Variants in DNAH5 observed in about 807,000 individuals in gnomAD.
DNAH5 encodes axonemal beta dynein heavy chain 5.
DNAH5 carries 372 observed loss-of-function variants against 518.2 expected under a neutral mutation model. The ratio of observed to expected loss-of-function variants is 0.72; its 90% CI spans 0.66 to 0.78. The LOEUF (loss-of-function observed/expected upper bound fraction) is 0.78, where lower values mean the gene tolerates loss of function less well. DNAH5 is among the 30% of genes least tolerant of loss of function. DNAH5 has a pLI of 0.00. For missense variants in DNAH5, 5,523 were observed against 5,687.0 expected (o/e 0.97, Z 0.93); for synonymous variants, 2,039 against 2,025.9 (o/e 1.01, Z -0.17).
At chr5:13,803,935 T>C (rs979795067) in intron 47 of DNAH5, among the ~76,000 whole-genome samples, 5 of 152,232 alleles carry the variant, frequency 3.3e-5, no homozygotes, top group Non-Finnish European at 5.9e-5. Context: ...ATAAAACCTA[T>C]TGCTATGCAA....
chr5:13,848,670 G>T (rs910720600), intron 31 of DNAH5, among the ~76,000 whole-genome samples: 2 of 152,160 alleles, frequency 1.3e-5, no homozygotes, highest in Admixed American at 6.6e-5. Context: ...CAAGGAGTAC[G>T]CAACCTAGAT....
chr5:13,932,772 C>A (rs1189746237), intron 1 of DNAH5, among the ~76,000 whole-genome samples: 1 of 152,162 alleles, frequency 6.6e-6, no homozygotes, highest in Non-Finnish European at 1.5e-5. Flanking sequence ...CATTCCCAGA[C>A]ACTGGGTTCA....
rs1374559535 is a variant in DNAH5 at position 13,708,191 on chromosome 5, T to C, written c.13270A>G (p.Met4424Val). The change falls in exon 76 of 79, where the codon ATG (methionine) becomes GTG (valine). Residue 4424 changes from methionine (M) to valine (V), a missense_variant. Coordinates refer to ENST00000265104, the MANE Select transcript of DNAH5 (RefSeq NM_001369.3). ...LKLAIDGTII[M>V]SENLRDALDC... is the part of the protein sequence containing the mutation. ...AATGCATCTCGCAGATTTTCGCTCA[T>C]GATGATGGTGCCATCAATAGCAAGT... 8 of 1,614,178 alleles carry C rather than the reference T, an allele frequency of 5.0e-6. No individual in the cohort carries two copies. Among genetic ancestry groups the C allele is most frequent in the Non-Finnish European group, 8.5e-7 (1 of 1,180,008 alleles).
At chr5:13,896,675 A>G (rs771523796) in intron 15 of DNAH5, 8 of 152,212 alleles carry the variant, frequency 5.3e-5, no homozygotes, top group Non-Finnish European at 7.3e-5. Context: ...TAATAAATCA[A>G]TATCTATCTA....
intron 11 of DNAH5, 65 bp from the exon 12 acceptor site, chr5:13,911,558 C>G: frequency 1.6e-6 from 2 of 1,267,426 alleles, no homozygotes; most frequent in East Asian, 5.0e-5. Context: ...CTAAATATGA[C>G]CCTTAAATGT....
chr5:13,997,518 C>A (rs1274027062), intron 1 of DNAH5, among the ~76,000 whole-genome samples: 2 of 152,148 alleles, frequency 1.3e-5, no homozygotes, highest in South Asian at 4.1e-4. Context: ...CTGAGCTATA[C>A]CCCCTCTACC....
chr5:13,954,605 G>A (rs1381866025), intron 1 of DNAH5, among the ~76,000 whole-genome samples: 1 of 152,208 alleles, frequency 6.6e-6, no homozygotes, highest in African/African-American at 2.4e-5. Flanking sequence ...GAGGTGTTCC[G>A]AAAGTGAGCG....
intron 78 of DNAH5, among the ~76,000 whole-genome samples, chr5:13,699,398 C>T (rs545225458): frequency 6.6e-6 from 1 of 152,240 alleles, no homozygotes; most frequent in East Asian, 1.9e-4. Context: ...TATTAGACAT[C>T]CAGCAAATGT....
chr5:13,846,614 A>G (rs938094873), intron 31 of DNAH5, among the ~76,000 whole-genome samples: 3 of 152,184 alleles, frequency 2.0e-5, no homozygotes, highest in African/African-American at 7.2e-5. Flanking sequence ...AAAGGCAAAG[A>G]AAAGAAGGAG....
At chr5:13,868,553 G>A (rs564696076) in intron 24 of DNAH5, among the ~76,000 whole-genome samples, 11 of 152,230 alleles carry the variant, frequency 7.2e-5, no homozygotes, top group East Asian at 3.9e-4. Context: ...TGAGGCTAAG[G>A]TTGGTTTTCA....
intron 47 of DNAH5, among the ~76,000 whole-genome samples, chr5:13,807,183 G>C (rs1320350631): frequency 6.6e-6 from 1 of 152,138 alleles, no homozygotes; most frequent in Admixed American, 6.6e-5. Flanking sequence ...CTGAGCAACA[G>C]GGACGCATTA....
At position 13,862,841 on chromosome 5, in the gene DNAH5, C is replaced by CATATAT. The variant is rs200011073; in HGVS notation, c.4597-100_4597-95dup. On this transcript the variant is annotated intron_variant, in intron 28 of 78. Coordinates refer to ENST00000265104, the MANE Select transcript of DNAH5 (RefSeq NM_001369.3). ...AATACCCCATCTTCACTATTTGCTT[C>CATATAT]ATATATATATAAATATATATATAAA... The CATATAT allele has an allele frequency of 1.8e-3, 558 of 315,500 alleles. 7 individuals carry two copies. The highest frequency in any genetic ancestry group is 0.015 in the African/African-American group (530 of 34,288). The allele number at this position is 315,500 out of a possible 1,614,324, so 19.5% of individuals were successfully genotyped here.
intron 61 of DNAH5, among the ~76,000 whole-genome samples, chr5:13,758,473 C>T (rs1847079): frequency 2.0e-5 from 3 of 151,992 alleles, no homozygotes; most frequent in South Asian, 2.1e-4. Context: ...CCAGCCTGGA[C>T]GACAGAGCAA....
At chr5:13,953,897 G>A (rs534007663) in intron 1 of DNAH5, among the ~76,000 whole-genome samples, 29 of 152,194 alleles carry the variant, frequency 1.9e-4, no homozygotes, top group South Asian at 1.5e-3. Context: ...TGGTAGAGAC[G>A]AGGTTTCACC....
At chr5:13,740,618 G>A (rs1439880518) in intron 65 of DNAH5, among the ~76,000 whole-genome samples, 1 of 152,216 alleles carries the variant, frequency 6.6e-6, no homozygotes, top group African/African-American at 2.4e-5. Context: ...CCCATGTGAT[G>A]TGATGCTGCT....
rs1447466492 is a variant in DNAH5 at position 13,921,413 on chromosome 5, T to G, written c.660+694A>C. 4.3e-5 allele frequency among the ~76,000 whole-genome samples: 6 copies of G among 139,138 alleles called. No homozygotes were observed. In the Admixed American group the frequency reaches 4.5e-4, roughly 10 times the overall value. The allele number at this position is 139,138 out of a possible 152,430, so 91.3% of individuals were successfully genotyped here. On this transcript the variant is annotated intron_variant, in intron 5 of 78. Coordinates refer to ENST00000265104, the MANE Select transcript of DNAH5 (RefSeq NM_001369.3). ...TGTCATCTCTCTTATTACCTTATCTTCTCTCTCTCTCCCTCTCTCTCTGTC... is the reference window on the plus strand; with the variant it reads ...TGTCATCTCTCTTATTACCTTATCTGCTCTCTCTCTCCCTCTCTCTCTGTC...
Position 13,808,225 on chromosome 5 carries a change from CAAAAAA to C in DNAH5, c.7753-506_7753-501del, listed in dbSNP as rs56686032. 1.0e-4 allele frequency among the ~76,000 whole-genome samples: 9 copies of C among 86,352 alleles called. No individual in the cohort carries two copies. In the East Asian group the frequency reaches 1.6e-3, roughly 16 times the overall value. 56.7% of individuals were successfully genotyped at this position (86,352 alleles called of 152,430 possible). A position where few individuals can be genotyped will look rare whatever the true frequency, so the allele number is the denominator to read the frequency against. On this transcript the variant is annotated intron_variant, in intron 46 of 78. Transcript: ENST00000265104. ...AACCTGGGTGACAGAGACTCCATCT[CAAAAAA>C]AAAAAAAAAAAAAAAAAGAGGAAAT...
At chr5:13,808,811 T>C (rs1485011100) in intron 46 of DNAH5, among the ~76,000 whole-genome samples, 2 of 151,998 alleles carry the variant, frequency 1.3e-5, no homozygotes, top group African/African-American at 4.8e-5. Context: ...ATACAAAAAA[T>C]TAGCCAGGCA....
At chr5:13,775,527 T>C (rs183553208) in intron 55 of DNAH5, among the ~76,000 whole-genome samples, 32 of 151,830 alleles carry the variant, frequency 2.1e-4, no homozygotes, top group South Asian at 6.2e-4. Flanking sequence ...GATAGATAGA[T>C]AGACAGACAG....
Sources: allele counts gnomAD v4.1 joint callset (sites outside exome capture counted in the v4.1 genomes callset), GRCh38; gene constraint gnomAD v4.1.1; transcripts MANE v1.5; gene names NCBI Gene and HGNC (gene_info 2026-07-23, HGNC 2026-07-21).